SLC13A3: variants seen among roughly 807,000 people sequenced by gnomAD.
The protein encoded by SLC13A3 is Na(+)/dicarboxylate cotransporter 3.
In SLC13A3, 40 loss-of-function variants were observed where a neutral mutation model predicts 59.0. The observed-to-expected ratio is 0.68, with a 90% CI of 0.53 to 0.88. SLC13A3 has a LOEUF of 0.88. SLC13A3 is among the 40% of genes least tolerant of loss of function. SLC13A3 has a pLI of 0.00. For synonymous variants in SLC13A3, 317 were observed against 330.3 expected, an observed-to-expected ratio of 0.96 and a Z score of 0.44; for missense variants, 699 against 783.2, an observed-to-expected ratio of 0.89 and a Z score of 1.28.
intron 9 of SLC13A3, chr20:46,582,613 A>G (rs62214368): frequency 6.1e-6 from 6 of 984,008 alleles, no homozygotes; most frequent in African/African-American, 5.3e-5. Context: ...AAAAAAAAGA[A>G]GAAGAAGAAA....
rs578239576 is a variant in SLC13A3 at position 46,661,841 on chromosome 20, C to T, written c.-31+8202G>A. Among the ~76,000 whole-genome samples, 41 of 152,232 alleles carry T rather than the reference C, an allele frequency of 2.7e-4. No individual in the cohort carries two copies. The South Asian group carries it at 5.2e-3, about 19-fold the overall frequency. On this transcript the variant is annotated intron_variant, in intron 1 of 12. Coordinates refer to the SLC13A3 transcript ENST00000290317. ...TTTCTGTCTGTTCTCCTGACCTGTT[C>T]CCCTGTGCCTACTTTTGAGAGTGTC... is the stretch of plus-strand genomic sequence containing the variant.
At chr20:46,581,954 G>C (rs6011990) in intron 9 of SLC13A3, among the ~76,000 whole-genome samples, 19 of 152,250 alleles carry the variant, frequency 1.2e-4, no homozygotes, top group African/African-American at 4.6e-4. Context: ...AGCCTCCTTA[G>C]ACCCAGTTCC....
At chr20:46,664,226 A>G (rs904813431) in intron 1 of SLC13A3, among the ~76,000 whole-genome samples, 4 of 152,092 alleles carry the variant, frequency 2.6e-5, no homozygotes, top group African/African-American at 9.7e-5. Flanking sequence ...CTGTCCCTAA[A>G]AATCTAATTC....
chr20:46,622,852 T>C (rs1403168134), intron 1 of SLC13A3, among the ~76,000 whole-genome samples: 1 of 152,198 alleles, frequency 6.6e-6, no homozygotes, highest in Non-Finnish European at 1.5e-5. Context: ...ATAACTTTGA[T>C]GATTTCAAGT....
intron 10 of SLC13A3, among the ~76,000 whole-genome samples, chr20:46,567,153 C>CT (rs1451531773): frequency 6.6e-6 from 1 of 152,118 alleles, no homozygotes; most frequent in Non-Finnish European, 1.5e-5. Context: ...CCTCACGCCA[C>CT]TGCACTCCAG....
At chr20:46,676,819 G>C (rs931374148) in intron 1 of SLC13A3, among the ~76,000 whole-genome samples, 1 of 152,226 alleles carries the variant, frequency 6.6e-6, no homozygotes, top group Admixed American at 6.5e-5. Flanking sequence ...GCAGAAGTGG[G>C]GAGAACCATG....
chr20:46,664,265 G>A (rs1451547215), intron 1 of SLC13A3, among the ~76,000 whole-genome samples: 1 of 152,134 alleles, frequency 6.6e-6, no homozygotes, highest in Non-Finnish European at 1.5e-5. Context: ...GTGAAACCTG[G>A]GAAATGTGAA....
At chr20:46,590,339 T>A in intron 6 of SLC13A3, among the ~76,000 whole-genome samples, 1 of 151,098 alleles carries the variant, frequency 6.6e-6, no homozygotes, top group Non-Finnish European at 1.5e-5. Flanking sequence ...GAAAAAAAAA[T>A]TAAAACAATT....
Position 46,560,153 on chromosome 20 carries a change from T to C in SLC13A3, c.1678A>G (p.Ser560Gly), listed in dbSNP as rs1386786161. 1 of 1,614,084 alleles carries C rather than the reference T, an allele frequency of 6.2e-7. No homozygotes were observed. The highest frequency in any genetic ancestry group is 8.5e-7 in the Non-Finnish European group (1 of 1,180,024). ...LMNLMGVLLL[S>G]LAMNTWAQTI... ...TGTGCCCAGGTATTCATAGCCAAACTGAGCAGCAGGACACCCATCAGGTTC... is the reference window on the plus strand; with the variant it reads ...TGTGCCCAGGTATTCATAGCCAAACCGAGCAGCAGGACACCCATCAGGTTC... Residue 560 changes from serine to glycine, a missense_variant, in exon 13 of 13, where the codon AGT becomes GGT. Physicochemically the swap from Ser to Gly is moderately conservative, Grantham distance 56. Coordinates refer to ENST00000279027, the MANE Select transcript of SLC13A3 (RefSeq NM_022829.6).
chr20:46,622,561 A>G (rs532177710), intron 1 of SLC13A3, among the ~76,000 whole-genome samples: 218 of 151,540 alleles, frequency 1.4e-3, no homozygotes, highest in Admixed American at 3.0e-3. Flanking sequence ...TTTCTGGAGC[A>G]GTAGGGGATT....
intron 1 of SLC13A3, among the ~76,000 whole-genome samples, chr20:46,658,338 C>A (rs778437417): frequency 3.9e-5 from 6 of 152,002 alleles, no homozygotes; most frequent in Non-Finnish European, 5.9e-5. Flanking sequence ...GATTGCCAAG[C>A]AATGGGGGTC....
rs372849018 is a variant in SLC13A3, at chr20:46,634,754, G to A, written c.111+16557C>T. ...GGTGGCCTCACTCAGCCTGAGGAGG[G>A]TAGAACACGTTGTTCTGAGAAAATA... On this transcript the variant is annotated intron_variant, in intron 1 of 12. Coordinates refer to ENST00000279027, the MANE Select transcript of SLC13A3 (RefSeq NM_022829.6). Among the ~76,000 whole-genome samples the A allele has an allele frequency of 3.3e-5, 5 of 152,302 alleles. No individual in the cohort carries two copies. In the East Asian group the frequency reaches 9.7e-4, roughly 29 times the overall value.
At chr20:46,607,517 C>G (rs2062448112) in intron 3 of SLC13A3, among the ~76,000 whole-genome samples, 2 of 152,216 alleles carry the variant, frequency 1.3e-5, no homozygotes, top group African/African-American at 4.8e-5. Context: ...TCCCTGATCC[C>G]ATGGCCTGTA....
At chr20:46,592,654 G>C in intron 5 of SLC13A3, 125 bp from the exon 6 acceptor site, 3 of 958,752 alleles carry the variant, frequency 3.1e-6, no homozygotes, top group Non-Finnish European at 4.7e-6. Context: ...TGGAAGTCTT[G>C]GGAACAGTGT....
At chr20:46,606,636 T>G (rs1440732010) in intron 3 of SLC13A3, among the ~76,000 whole-genome samples, 1 of 152,164 alleles carries the variant, frequency 6.6e-6, no homozygotes, top group East Asian at 1.9e-4. Flanking sequence ...CCTGGGAGTT[T>G]GAGGCTGCAG....
At chr20:46,561,214 C>T (rs1394229869) in intron 12 of SLC13A3, among the ~76,000 whole-genome samples, 3 of 152,144 alleles carry the variant, frequency 2.0e-5, no homozygotes, top group Admixed American at 6.5e-5. Flanking sequence ...TGAGTTGTCC[C>T]GCCTTTCCGG....
At chr20:46,598,631 A>T (rs543593172) in intron 4 of SLC13A3, among the ~76,000 whole-genome samples, 47 of 152,296 alleles carry the variant, frequency 3.1e-4, no homozygotes, top group Non-Finnish European at 5.9e-4. Flanking sequence ...TTGGACTCAA[A>T]GCCCCCAAAC....
At chr20:46,609,425 T>C (rs556069977) in intron 3 of SLC13A3, among the ~76,000 whole-genome samples, 1 of 152,372 alleles carries the variant, frequency 6.6e-6, no homozygotes, top group Non-Finnish European at 1.5e-5. Context: ...CCTCCGTTCA[T>C]AATACGTTAT....
At chr20:46,593,796 CTG>C (rs1215398118) in intron 5 of SLC13A3, among the ~76,000 whole-genome samples, 1 of 152,018 alleles carries the variant, frequency 6.6e-6, no homozygotes, top group Non-Finnish European at 1.5e-5. Context: ...GACTATAAAA[CTG>C]TATTAAGAGC....
Sources: gnomAD v4.1 joint callset for allele counts (sites outside exome capture counted in the v4.1 genomes callset) on GRCh38, gnomAD v4.1.1 for gene constraint, MANE v1.5 for transcripts, NCBI Gene and HGNC (gene_info 2026-07-23, HGNC 2026-07-21) for gene names.